PCDH7: variants seen among roughly 807,000 people sequenced by gnomAD.
PCDH7 encodes the protein protocadherin 7.
PCDH7 carries 17 observed loss-of-function variants against 58.9 expected under a neutral mutation model. The observed-to-expected ratio is 0.29, with a 90% CI of 0.20 to 0.43. The LOEUF (loss-of-function observed/expected upper bound fraction) is 0.43, where lower values mean the gene tolerates loss of function less well. Among genes scored for constraint, PCDH7 ranks in the 20% least tolerant of loss-of-function variants. PCDH7 has a pLI of 1.00. For missense variants in PCDH7, 1,274 were observed against 1,441.0 expected, an observed-to-expected ratio of 0.88 and a Z score of 1.88; for synonymous variants, 664 against 616.4, an observed-to-expected ratio of 1.08 and a Z score of -1.14.
intron 2 of PCDH7, among the ~76,000 whole-genome samples, chr4:30,948,212 A>G (rs1475859652): frequency 1.3e-5 from 2 of 151,724 alleles, no homozygotes; most frequent in Admixed American, 6.6e-5. Flanking sequence ...TCATTATCCC[A>G]TAATAATCTA....
chr4:31,039,666 G>T (rs575517807), intron 3 of PCDH7, among the ~76,000 whole-genome samples: 1 of 152,088 alleles, frequency 6.6e-6, no homozygotes, highest in Non-Finnish European at 1.5e-5. Context: ...CAATATAAGA[G>T]AATTCCTTGA....
intron 3 of PCDH7, among the ~76,000 whole-genome samples, chr4:30,951,543 G>A (rs868742273): frequency 2.0e-5 from 3 of 152,018 alleles, no homozygotes; most frequent in Non-Finnish European, 4.4e-5. Context: ...ACAGGTCTTC[G>A]CACGGTTAGG....
intron 3 of PCDH7, among the ~76,000 whole-genome samples, chr4:31,059,040 C>A (rs1024941765): frequency 6.6e-6 from 1 of 152,004 alleles, no homozygotes; most frequent in African/African-American, 2.4e-5. Flanking sequence ...TATGGAGAAA[C>A]CTGATGCTTA....
At chr4:31,085,231 C>G (rs1712241260) in intron 3 of PCDH7, among the ~76,000 whole-genome samples, 1 of 151,688 alleles carries the variant, frequency 6.6e-6, no homozygotes, top group Admixed American at 6.6e-5. Context: ...TGGGTGGGGC[C>G]GCAAGATCAG....
At chr4:30,968,759 A>C (rs1749275771) in intron 3 of PCDH7, among the ~76,000 whole-genome samples, 1 of 152,084 alleles carries the variant, frequency 6.6e-6, no homozygotes, top group Admixed American at 6.6e-5. Flanking sequence ...AGTCTCATTA[A>C]ATATTGAAAA....
chr4:31,040,463 T>C (rs527955138), intron 3 of PCDH7, among the ~76,000 whole-genome samples: 1 of 152,336 alleles, frequency 6.6e-6, no homozygotes, highest in East Asian at 1.9e-4. Flanking sequence ...TAAAATTATA[T>C]TCACTTAAAA....
intron 1 of PCDH7, among the ~76,000 whole-genome samples, chr4:30,838,223 C>A (rs1322593814): frequency 6.6e-6 from 1 of 151,956 alleles, no homozygotes; most frequent in Non-Finnish European, 1.5e-5. Flanking sequence ...GAATGAATGG[C>A]AGGCAAAATG....
exon 2 of PCDH7, chr4:30,731,428 A>G (rs1715481624): frequency 6.6e-6 from 1 of 152,182 alleles, no homozygotes; most frequent in Non-Finnish European, 1.5e-5. Context: ...AACAAGTTTG[A>G]GAAATTAATT....
intron 1 of PCDH7, among the ~76,000 whole-genome samples, chr4:30,892,881 A>G (rs1738806476): frequency 6.6e-6 from 1 of 152,074 alleles, no homozygotes; most frequent in Admixed American, 6.6e-5. Flanking sequence ...TGTCAGTTAA[A>G]TAGTATGTAC....
At chr4:31,127,309 T>G (rs566573032) in intron 3 of PCDH7, among the ~76,000 whole-genome samples, 2 of 152,298 alleles carry the variant, frequency 1.3e-5, no homozygotes, top group African/African-American at 4.8e-5. Flanking sequence ...CACTCCTGAT[T>G]TTTTTACACT....
At chr4:30,863,101 T>C (rs1486112758) in intron 1 of PCDH7, among the ~76,000 whole-genome samples, 2 of 152,156 alleles carry the variant, frequency 1.3e-5, no homozygotes, top group African/African-American at 4.8e-5. Flanking sequence ...CAAATTCGTA[T>C]GTGTTCCGGG....
chr4:30,727,975 T>A (rs1164974712), intron 1 of PCDH7, among the ~76,000 whole-genome samples: 2 of 151,794 alleles, frequency 1.3e-5, no homozygotes, highest in Non-Finnish European at 3.0e-5. Flanking sequence ...AGTAAGGTAA[T>A]TTATTTTTGG....
intron 1 of PCDH7, among the ~76,000 whole-genome samples, chr4:30,745,370 A>C (rs922176291): frequency 2.0e-5 from 3 of 151,020 alleles, no homozygotes; most frequent in Non-Finnish European, 4.4e-5. Flanking sequence ...TCATTTATCT[A>C]GTGCTCTCCT....
chr4:31,128,084 T>TAC (rs972114645), intron 3 of PCDH7, among the ~76,000 whole-genome samples: 24 of 148,804 alleles, frequency 1.6e-4, no homozygotes, highest in Non-Finnish European at 2.5e-4. Flanking sequence ...TGTATATATA[T>TAC]GCATATATAT....
At chr4:30,765,895 C>A (rs74818508) in intron 1 of PCDH7, among the ~76,000 whole-genome samples, 1 of 152,082 alleles carries the variant, frequency 6.6e-6, no homozygotes, top group African/African-American at 2.4e-5. Context: ...AGAAGGCAGT[C>A]GGTTCTGTTT....
chr4:30,966,693 T>C (rs1578437591), intron 3 of PCDH7, among the ~76,000 whole-genome samples: 1 of 152,178 alleles, frequency 6.6e-6, no homozygotes, highest in South Asian at 2.1e-4. Context: ...ATATTGTCAG[T>C]TGTTGAAACA....
At chr4:31,061,790 G>C (rs929656141) in intron 3 of PCDH7, among the ~76,000 whole-genome samples, 7 of 151,644 alleles carry the variant, frequency 4.6e-5, no homozygotes, top group Admixed American at 4.6e-4. Context: ...GATTTTCATT[G>C]AAATGATTGC....
Position 30,721,711 on chromosome 4 carries a change from C to A in PCDH7, c.289C>A (p.Pro97Thr). The change falls in exon 1 of 2, where the codon CCC becomes ACC. Residue 97 changes from proline to threonine, a missense_variant. Pro to Thr is a conservative substitution (Grantham distance 38). Transcript: ENST00000361762. The surrounding 1 kb of genome is among the most constrained non-coding windows in gnomAD (Gnocchi z 6.7). Reference sequence around the variant, plus strand: ...GCGGCGCATCGACCGCGAGAAGCTGCCCCAGTGTCAGATGATCTTCGACGA... The same window carrying A: ...GCGGCGCATCGACCGCGAGAAGCTGACCCAGTGTCAGATGATCTTCGACGA... 11 of 1,613,902 alleles carry A rather than the reference C, an allele frequency of 6.8e-6. No individual in the cohort carries two copies. Among genetic ancestry groups the A allele is most frequent in the Non-Finnish European group, 9.3e-6 (11 of 1,179,984 alleles).
chr4:30,980,669 C>G (rs1560551505), intron 3 of PCDH7, among the ~76,000 whole-genome samples: 1 of 152,058 alleles, frequency 6.6e-6, no homozygotes, highest in Non-Finnish European at 1.5e-5. Flanking sequence ...GAAAAAAAAT[C>G]AAAGGCCTCT....
Sources: gnomAD v4.1 joint callset for allele counts (sites outside exome capture counted in the v4.1 genomes callset) on GRCh38, gnomAD v4.1.1 for gene constraint, Gnocchi (gnomAD v3.1) non-coding constraint, MANE v1.5 for transcripts, NCBI Gene and HGNC (gene_info 2026-07-23, HGNC 2026-07-21) for gene names.